Variants in ACACA observed in about 807,000 individuals in gnomAD.
ACACA encodes the protein acetyl-CoA carboxylase 1.
A neutral mutation model predicts 296.1 loss-of-function variants in ACACA; 103 were observed. The ratio of observed to expected loss-of-function variants is 0.35; its 90% CI spans 0.30 to 0.41. The LOEUF (loss-of-function observed/expected upper bound fraction) is 0.41, where lower values mean the gene tolerates loss of function less well. ACACA is among the 10% of genes least tolerant of loss of function. The probability of loss-of-function intolerance (pLI) is 1.00; values close to 1 mark genes in which losing one functional copy is unlikely to be tolerated. For synonymous variants in ACACA, 953 were observed against 1,038.6 expected, an observed-to-expected ratio of 0.92 and a Z score of 1.58; for missense variants, 1,554 against 2,989.7, an observed-to-expected ratio of 0.52 and a Z score of 11.20.
chr17:37,304,447 G>A (rs1436161438), intron 3 of ACACA, among the ~76,000 whole-genome samples: 1 of 152,138 alleles, frequency 6.6e-6, no homozygotes, highest in Admixed American at 6.5e-5. Flanking sequence ...ATGAGCCACT[G>A]CACTCAGCTG....
At chr17:37,400,441 T>C (rs974704569) in intron 1 of ACACA, among the ~76,000 whole-genome samples, 1 of 151,536 alleles carries the variant, frequency 6.6e-6, no homozygotes, top group Non-Finnish European at 1.5e-5. Context: ...TTTTTAACTA[T>C]AGTCACCATA....
rs139125862 is a variant in ACACA at position 37,216,003 on chromosome 17, T to C, written c.3684-5513A>G. ...AATATTCCTGCACCATGAAAACAACTTGAGATAGTCACTTCTCCTTCAAGA... is the reference window on the plus strand; with the variant it reads ...AATATTCCTGCACCATGAAAACAACCTGAGATAGTCACTTCTCCTTCAAGA... On this transcript the variant is annotated intron_variant, in intron 29 of 55. Coordinates refer to ENST00000616317, the MANE Select transcript of ACACA (RefSeq NM_198834.3). Among the ~76,000 whole-genome samples the C allele has an allele frequency of 3.1e-4, 47 of 151,458 alleles. No homozygotes were observed. In the East Asian group the frequency reaches 8.3e-3, roughly 27 times the overall value.
intron 2 of ACACA, among the ~76,000 whole-genome samples, chr17:37,335,978 C>G (rs1365350859): frequency 6.6e-6 from 1 of 151,852 alleles, no homozygotes; most frequent in Non-Finnish European, 1.5e-5. Context: ...AACACTGGAC[C>G]CTGGGGCCTC....
chr17:37,293,411 A>G (rs1193139406), intron 3 of ACACA, among the ~76,000 whole-genome samples: 1 of 152,194 alleles, frequency 6.6e-6, no homozygotes, highest in Non-Finnish European at 1.5e-5. Flanking sequence ...ATCCTGAACC[A>G]TCAGAGATAA....
intron 54 of ACACA, among the ~76,000 whole-genome samples, chr17:37,092,285 A>G (rs957633087): frequency 5.9e-5 from 9 of 151,840 alleles, no homozygotes; most frequent in Non-Finnish European, 1.3e-4. Context: ...AAAAAAAAAA[A>G]AAAGAAAATG....
At chr17:37,352,145 C>G (rs1427648682) in intron 1 of ACACA, among the ~76,000 whole-genome samples, 1 of 150,650 alleles carries the variant, frequency 6.6e-6, no homozygotes, top group African/African-American at 2.4e-5. Flanking sequence ...GTCTCGATCT[C>G]CTGACCTTGT....
intron 1 of ACACA, among the ~76,000 whole-genome samples, chr17:37,344,420 TG>T (rs1371597944): frequency 6.6e-6 from 1 of 152,016 alleles, no homozygotes; most frequent in African/African-American, 2.4e-5. Flanking sequence ...TAGCGGGGCG[TG>T]GTGGTGTGCA....
chr17:37,226,049 C>T (rs1458650754), intron 26 of ACACA, among the ~76,000 whole-genome samples: 1 of 152,110 alleles, frequency 6.6e-6, no homozygotes, highest in Admixed American at 6.5e-5. Flanking sequence ...GTGTCCTTTC[C>T]TCCACCTGAC....
chr17:37,253,584 G>A (rs1250712506), intron 14 of ACACA, among the ~76,000 whole-genome samples: 2 of 152,046 alleles, frequency 1.3e-5, no homozygotes, highest in Non-Finnish European at 1.5e-5. Context: ...ATTACCATAA[G>A]AGCATCAGCA....
intron 7 of ACACA, among the ~76,000 whole-genome samples, 160 bp from the exon 8 acceptor site, chr17:37,276,209 G>A (rs969839499): frequency 4.0e-5 from 6 of 150,796 alleles, no homozygotes; most frequent in African/African-American, 1.5e-4. Context: ...ATTATGCTTT[G>A]ACTTATCTTT....
chr17:37,402,218 A>G lies in ACACA; in HGVS notation c.38+4044T>C, dbSNP rs536782063. On this transcript the variant is annotated intron_variant, in intron 1 of 55. Coordinates refer to ENST00000616317, the MANE Select transcript of ACACA (RefSeq NM_198834.3). Reference sequence around the variant, plus strand: ...TTAGTCATCTTTGCTATGACAGGTTAAATACAAGGTGTACTGGGAACATGT... The same window carrying G: ...TTAGTCATCTTTGCTATGACAGGTTGAATACAAGGTGTACTGGGAACATGT... 2.0e-5 allele frequency among the ~76,000 whole-genome samples: 3 copies of G among 152,312 alleles called. No homozygotes were observed. In the South Asian group the frequency reaches 6.2e-4, roughly 32 times the overall value.
chr17:37,347,701 C>T (rs1211449794), intron 1 of ACACA, among the ~76,000 whole-genome samples: 1 of 144,016 alleles, frequency 6.9e-6, no homozygotes, highest in African/African-American at 2.6e-5. Context: ...CCAGGAGTTC[C>T]AGACCAGCCT....
chr17:37,366,818 T>C (rs1342592499), intron 1 of ACACA: 1 of 151,650 alleles, frequency 6.6e-6, no homozygotes, highest in Non-Finnish European at 1.5e-5. Context: ...CCAGGTGTGG[T>C]GGCTCATGCC....
intron 50 of ACACA, among the ~76,000 whole-genome samples, chr17:37,117,295 G>A (rs1043271318): frequency 3.3e-5 from 5 of 152,108 alleles, no homozygotes; most frequent in Non-Finnish European, 7.4e-5. Flanking sequence ...CATTATGATC[G>A]GCTGACACTG....
intron 42 of ACACA, among the ~76,000 whole-genome samples, chr17:37,159,308 C>T (rs866296097): frequency 6.6e-6 from 1 of 152,152 alleles, no homozygotes; most frequent in African/African-American, 2.4e-5. Context: ...CAACCTCCAC[C>T]TCCCGCATTC....
At chr17:37,187,679 C>T (rs1448732575) in intron 39 of ACACA, among the ~76,000 whole-genome samples, 1 of 152,192 alleles carries the variant, frequency 6.6e-6, no homozygotes, top group African/African-American at 2.4e-5. Context: ...TGCCACTTTG[C>T]TCTTGTATAA....
intron 22 of ACACA, among the ~76,000 whole-genome samples, chr17:37,242,475 C>T (rs2145948376): frequency 6.6e-6 from 1 of 152,286 alleles, no homozygotes; most frequent in Non-Finnish European, 1.5e-5. Context: ...CACCTGTAAC[C>T]TCAGCACTTT....
intron 3 of ACACA, among the ~76,000 whole-genome samples, chr17:37,313,498 T>A (rs1387370609): frequency 2.0e-5 from 3 of 152,172 alleles, no homozygotes; most frequent in Non-Finnish European, 4.4e-5. Context: ...ATAATCCAAT[T>A]TTAAAATAGG....
At chr17:37,164,434 G>T (rs1367618967) in intron 41 of ACACA, among the ~76,000 whole-genome samples, 1 of 151,936 alleles carries the variant, frequency 6.6e-6, no homozygotes, top group African/African-American at 2.4e-5. Context: ...AACACCCTCA[G>T]ATAAATATAA....
Sources: gnomAD v4.1 joint callset for allele counts (sites outside exome capture counted in the v4.1 genomes callset) on GRCh38, gnomAD v4.1.1 for gene constraint, MANE v1.5 for transcripts, NCBI Gene and HGNC (gene_info 2026-07-23, HGNC 2026-07-21) for gene names.